SV2C: variants seen among roughly 807,000 people sequenced by gnomAD.
SV2C encodes solute carrier family 22 member B3.
In SV2C, 49 loss-of-function variants were observed where a neutral mutation model predicts 79.7. The observed-to-expected ratio is 0.61, with a 90% confidence interval of 0.49 to 0.78. The LOEUF (loss-of-function observed/expected upper bound fraction) is 0.78. SV2C is among the 30% of genes least tolerant of loss of function. The pLI is 0.00. For missense variants in SV2C, 833 were observed against 912.9 expected, an observed-to-expected ratio of 0.91 and a Z score of 1.13; for synonymous variants, 334 against 333.2, an observed-to-expected ratio of 1.00 and a Z score of -0.03.
At chr5:76,226,424 C>A (rs942141978) in intron 4 of SV2C, among the ~76,000 whole-genome samples, 6 of 152,098 alleles carry the variant, frequency 3.9e-5, no homozygotes, top group African/African-American at 1.2e-4. Context: ...GATATTAAAG[C>A]CCAGTTTGGC....
upstream of SV2C, chr5:76,083,212 C>T (rs868255469): frequency 6.6e-6 from 1 of 152,374 alleles, no homozygotes; most frequent in Admixed American, 6.5e-5. Context: ...GGTCCCGCCT[C>T]CCCCGCGCGC....
intron 1 of SV2C, among the ~76,000 whole-genome samples, chr5:76,092,623 GC>G (rs1356944633): frequency 9.9e-5 from 15 of 152,126 alleles, no homozygotes; most frequent in Admixed American, 5.9e-4. Flanking sequence ...GCTGTCAAAA[GC>G]CTGTATTAAT....
intron 4 of SV2C, chr5:76,242,007 T>A: frequency 7.6e-7 from 1 of 1,321,146 alleles, no homozygotes; most frequent in African/African-American, 1.4e-5. Context: ...TACACAGTTA[T>A]CAAAAATGCA....
At chr5:75,884,652 A>C in the SV2C span, among the ~76,000 whole-genome samples, 8,422 of 152,174 alleles carry the variant, frequency 0.055, 670 homozygotes, top group African/African-American at 0.18. Flanking sequence ...GGAGGTTTTG[A>C]ATGTTATCAC....
At chr5:75,896,345 A>G in the SV2C span, among the ~76,000 whole-genome samples, 4 of 151,806 alleles carry the variant, frequency 2.6e-5, no homozygotes, top group Non-Finnish European at 5.9e-5. Flanking sequence ...TAGTTTACTG[A>G]GAATGCTGAT....
intron 2 of SV2C, among the ~76,000 whole-genome samples, chr5:76,167,685 T>C (rs1164420277): frequency 6.6e-6 from 1 of 152,220 alleles, no homozygotes; most frequent in African/African-American, 2.4e-5. Context: ...GTTAGTTCAT[T>C]TGTCCAAGGT....
At chr5:76,031,173 C>A in the SV2C span, among the ~76,000 whole-genome samples, 1 of 152,338 alleles carries the variant, frequency 6.6e-6, no homozygotes, top group South Asian at 2.1e-4. Context: ...CAGACTCTCC[C>A]ACAACTTCCC....
chr5:76,136,440 T>G (rs1749071410), intron 2 of SV2C, among the ~76,000 whole-genome samples: 1 of 152,238 alleles, frequency 6.6e-6, no homozygotes, highest in African/African-American at 2.4e-5. Flanking sequence ...GATATTCTGA[T>G]TAGTATATTG....
chr5:76,305,609 C>A (rs1173712573), intron 12 of SV2C, among the ~76,000 whole-genome samples: 1 of 152,012 alleles, frequency 6.6e-6, no homozygotes, highest in Non-Finnish European at 1.5e-5. Context: ...AATTTTGTGT[C>A]TTTTATAAGT....
chr5:76,338,659 CTTTTTTT>C (rs60550344), downstream of SV2C, among the ~76,000 whole-genome samples: 1 of 119,552 alleles, frequency 8.4e-6, no homozygotes, highest in African/African-American at 3.3e-5. Flanking sequence ...TTTTCTTTTT[CTTTTTTT>C]TTTTTTTTTG....
intron 4 of SV2C, among the ~76,000 whole-genome samples, chr5:76,215,636 C>T (rs1023040998): frequency 1.3e-5 from 2 of 152,130 alleles, no homozygotes; most frequent in Non-Finnish European, 2.9e-5. Context: ...GCGGGTCCGC[C>T]CCTGCTGCTC....
chr5:76,048,147 C>T, the SV2C span, among the ~76,000 whole-genome samples: 1 of 151,840 alleles, frequency 6.6e-6, no homozygotes, highest in African/African-American at 2.4e-5. Context: ...TTTTTGAGAA[C>T]TATTAGAGAG....
chr5:76,296,338 A>G (rs577115531), intron 9 of SV2C, among the ~76,000 whole-genome samples: 4 of 152,184 alleles, frequency 2.6e-5, no homozygotes. Flanking sequence ...TGAGTCTTCT[A>G]TTCCTGAGAA....
At chr5:76,259,862 T>C (rs1306892988) in intron 4 of SV2C, among the ~76,000 whole-genome samples, 1 of 152,214 alleles carries the variant, frequency 6.6e-6, no homozygotes, top group Non-Finnish European at 1.5e-5. Flanking sequence ...GGGCATTGGG[T>C]TGGTTCCAAG....
At chr5:76,222,081 G>C (rs1472455185) in intron 4 of SV2C, among the ~76,000 whole-genome samples, 3 of 152,194 alleles carry the variant, frequency 2.0e-5, no homozygotes, top group Non-Finnish European at 4.4e-5. Context: ...TTGTGGAAAT[G>C]AAAGATAGTT....
intron 4 of SV2C, among the ~76,000 whole-genome samples, chr5:76,235,035 A>G (rs1243307657): frequency 6.6e-6 from 1 of 152,232 alleles, no homozygotes; most frequent in East Asian, 1.9e-4. Context: ...TTTTGCTTTT[A>G]AAGCCAGCTA....
the SV2C span, among the ~76,000 whole-genome samples, chr5:75,968,218 G>T: frequency 6.6e-6 from 1 of 152,136 alleles, no homozygotes; most frequent in African/African-American, 2.4e-5. Flanking sequence ...AAACCACAAA[G>T]ATGGGAAAAA....
the SV2C span, among the ~76,000 whole-genome samples, chr5:76,012,722 G>C: frequency 1.3e-5 from 2 of 152,110 alleles, no homozygotes; most frequent in Non-Finnish European, 2.9e-5. Flanking sequence ...TTTCTTCGGG[G>C]TTTTTACTGT....
At chr5:76,172,382 C>A (rs1580327235) in intron 2 of SV2C, among the ~76,000 whole-genome samples, 1 of 69,966 alleles carries the variant, frequency 1.4e-5, no homozygotes, top group African/African-American at 6.0e-5. Flanking sequence ...AAGTGAGGAG[C>A]CCCTCTGCCC....
Sources: gnomAD v4.1 joint callset for allele counts (sites outside exome capture counted in the v4.1 genomes callset) on GRCh38, gnomAD v4.1.1 for gene constraint, MANE v1.5 for transcripts, NCBI Gene and HGNC (gene_info 2026-07-23, HGNC 2026-07-21) for gene names.